Variants in PCDH9 observed in about 807,000 individuals in gnomAD.
PCDH9 encodes protocadherin-9.
Under a neutral mutation model 70.6 loss-of-function variants are expected in PCDH9, and 24 were observed. That is an observed-to-expected ratio of 0.34 (90% CI 0.25 to 0.48). The LOEUF (loss-of-function observed/expected upper bound fraction) is 0.48, where lower values mean the gene tolerates loss of function less well. Ranked by LOEUF, PCDH9 falls within the 20% of genes least tolerant of loss-of-function variation. PCDH9 has a pLI of 0.99. For missense variants in PCDH9, 1,281 were observed against 1,503.6 expected, an observed-to-expected ratio of 0.85 and a Z score of 2.45; for synonymous variants, 562 against 558.5, an observed-to-expected ratio of 1.01 and a Z score of -0.09.
intron 3 of PCDH9, among the ~76,000 whole-genome samples, chr13:66,831,067 G>A (rs2080916691): frequency 6.6e-6 from 1 of 152,122 alleles, no homozygotes; most frequent in South Asian, 2.1e-4. Context: ...ACAGACTCTA[G>A]GAGGTTTAAG....
At chr13:66,681,884 G>T (rs1343509034) in intron 3 of PCDH9, among the ~76,000 whole-genome samples, 5 of 149,242 alleles carry the variant, frequency 3.4e-5, no homozygotes, top group Admixed American at 3.3e-4. Flanking sequence ...AAATATCTGT[G>T]GAGTCATGTT....
In PCDH9 at chr13:67,154,591, A is replaced by AT. The variant is rs1342357485; in HGVS notation, c.3036+70813_3036+70814insA. ...ACCCTGTCTCAAAAAAAAAAAAAAA[A>AT]AAAAATATATATATACACACACACA... On this transcript the variant is annotated intron_variant, in intron 2 of 4. Coordinates refer to ENST00000377865, the MANE Select transcript of PCDH9 (RefSeq NM_203487.3). Among the ~76,000 whole-genome samples, 241 of 88,818 alleles carry AT rather than the reference A, an allele frequency of 2.7e-3. 3 individuals carry two copies. The highest frequency in any genetic ancestry group is 8.5e-3 in the African/African-American group (184 of 21,758). 58.3% of individuals were successfully genotyped at this position (88,818 alleles called of 152,430 possible). A position where few individuals can be genotyped will look rare whatever the true frequency, so the allele number is the denominator to read the frequency against.
chr13:66,688,326 T>C (rs1363039637), intron 3 of PCDH9, among the ~76,000 whole-genome samples: 1 of 152,178 alleles, frequency 6.6e-6, no homozygotes, highest in Non-Finnish European at 1.5e-5. Context: ...TTAGAACTTG[T>C]GTCCTATTTA....
chr13:66,698,915 T>TTG (rs1555323187), intron 3 of PCDH9, among the ~76,000 whole-genome samples: 5 of 133,062 alleles, frequency 3.8e-5, no homozygotes, highest in African/African-American at 5.5e-5. Flanking sequence ...TTTTTTTTTT[T>TTG]TTGTTGTTGT....
chr13:66,340,273 A>G (rs1218782732), intron 4 of PCDH9, among the ~76,000 whole-genome samples: 7 of 152,202 alleles, frequency 4.6e-5, no homozygotes, highest in Non-Finnish European at 2.9e-5. Flanking sequence ...GTCCTCAACT[A>G]GTCTGAGGCT....
chr13:66,756,442 G>T (rs1461047238), intron 3 of PCDH9, among the ~76,000 whole-genome samples: 2 of 152,150 alleles, frequency 1.3e-5, no homozygotes, highest in Non-Finnish European at 2.9e-5. Flanking sequence ...ATTAAAGACT[G>T]CAAGGAGATA....
chr13:66,985,040 AT>A, intron 2 of PCDH9, among the ~76,000 whole-genome samples: 1 of 152,032 alleles, frequency 6.6e-6, no homozygotes, highest in East Asian at 1.9e-4. Flanking sequence ...TCTACTAATT[AT>A]TGCTTGCCTG....
At chr13:66,909,635 G>A (rs1008569729) in intron 2 of PCDH9, among the ~76,000 whole-genome samples, 1 of 152,072 alleles carries the variant, frequency 6.6e-6, no homozygotes, top group Non-Finnish European at 1.5e-5. Context: ...CGGGCGTGGT[G>A]GCGGGCGCCT....
At chr13:66,954,470 T>C (rs1307850702) in intron 2 of PCDH9, among the ~76,000 whole-genome samples, 1 of 152,146 alleles carries the variant, frequency 6.6e-6, no homozygotes, top group African/African-American at 2.4e-5. Flanking sequence ...ACCCTAAACA[T>C]TGGATAAGCT....
chr13:66,596,666 T>C (rs1430751554), intron 4 of PCDH9, among the ~76,000 whole-genome samples: 2 of 151,744 alleles, frequency 1.3e-5, no homozygotes, highest in African/African-American at 4.8e-5. Context: ...TTGTTTTAGC[T>C]TAACCATAAT....
At chr13:66,981,794 A>G (rs1388284444) in intron 2 of PCDH9, among the ~76,000 whole-genome samples, 1 of 152,204 alleles carries the variant, frequency 6.6e-6, no homozygotes, top group East Asian at 1.9e-4. Context: ...TATTAAATAC[A>G]TAAAATATTA....
At chr13:66,903,923 G>A (rs776502694) in intron 2 of PCDH9, among the ~76,000 whole-genome samples, 7 of 151,494 alleles carry the variant, frequency 4.6e-5, no homozygotes, top group Non-Finnish European at 7.4e-5. Flanking sequence ...GTGCTATTTG[G>A]GTGAGATATT....
At chr13:66,996,525 AAAG>A (rs1345696640) in intron 2 of PCDH9, among the ~76,000 whole-genome samples, 1 of 152,212 alleles carries the variant, frequency 6.6e-6, no homozygotes, top group East Asian at 1.9e-4. Flanking sequence ...TTTAATTGTT[AAAG>A]AATAAGTAAT....
intron 2 of PCDH9, among the ~76,000 whole-genome samples, chr13:66,965,219 C>T (rs1419955679): frequency 6.6e-6 from 1 of 152,126 alleles, no homozygotes; most frequent in Non-Finnish European, 1.5e-5. Context: ...TGGAAACTTA[C>T]ATCATGTAAC....
chr13:67,172,770 C>T (rs908194561), intron 2 of PCDH9, among the ~76,000 whole-genome samples: 1 of 149,434 alleles, frequency 6.7e-6, no homozygotes, highest in African/African-American at 2.5e-5. Context: ...CCCAGCTACT[C>T]GAGGGGCTGA....
intron 2 of PCDH9, among the ~76,000 whole-genome samples, chr13:67,008,237 C>CCAG (rs1015272216): frequency 1.1e-4 from 16 of 151,940 alleles, no homozygotes; most frequent in Non-Finnish European, 7.4e-5. Flanking sequence ...TTCAAAGTTA[C>CCAG]TGGAGAGTAA....
At chr13:67,097,714 A>C (rs1448683118) in intron 2 of PCDH9, among the ~76,000 whole-genome samples, 2 of 152,188 alleles carry the variant, frequency 1.3e-5, no homozygotes, top group African/African-American at 4.8e-5. Context: ...ACACTAAAGA[A>C]AATTTATGGT....
intron 2 of PCDH9, among the ~76,000 whole-genome samples, chr13:66,908,730 C>T (rs1262024050): frequency 6.6e-6 from 1 of 151,304 alleles, no homozygotes; most frequent in Non-Finnish European, 1.5e-5. Flanking sequence ...ACAGCCTTTT[C>T]TTTAATGTTT....
chr13:66,938,536 A>G (rs1464569068), intron 2 of PCDH9, among the ~76,000 whole-genome samples: 1 of 152,226 alleles, frequency 6.6e-6, no homozygotes, highest in African/African-American at 2.4e-5. Flanking sequence ...CACACAAATC[A>G]AAAAGCAATC....
Sources: gnomAD v4.1 joint callset for allele counts (sites outside exome capture counted in the v4.1 genomes callset) on GRCh38, gnomAD v4.1.1 for gene constraint, MANE v1.5 for transcripts, NCBI Gene and HGNC (gene_info 2026-07-23, HGNC 2026-07-21) for gene names.